The following MRE11 variants were observed in gnomAD, a reference collection of about 807,000 sequenced individuals.
MRE11 encodes the protein double-strand break repair protein MRE11.
MRE11 carries 62 observed loss-of-function variants against 91.7 expected under a neutral mutation model. The ratio of observed to expected loss-of-function variants is 0.68; its 90% CI spans 0.55 to 0.84. MRE11 has a LOEUF of 0.84. Ranked by LOEUF, MRE11 falls within the 40% of genes least tolerant of loss-of-function variation. The pLI is 0.00. For synonymous variants in MRE11, 273 were observed against 271.4 expected, an observed-to-expected ratio of 1.01 and a Z score of -0.06; for missense variants, 796 against 852.9, an observed-to-expected ratio of 0.93 and a Z score of 0.83.
Position 94,485,957 on chromosome 11 carries a change from A to C in MRE11, c.281T>G (p.Leu94Arg). The C allele has an allele frequency of 6.2e-7, 1 of 1,613,538 alleles. No homozygotes were observed. The highest frequency in any genetic ancestry group is 8.5e-7 in the Non-Finnish European group (1 of 1,179,948). The change falls in exon 4 of 20, where the codon CTC becomes CGC. Residue 94 changes from leucine (L) to arginine (R), a missense_variant. Physicochemically the swap from Leu to Arg is moderately radical, Grantham distance 102. Transcript: ENST00000323929. ...ACCAAAGTTGACTGACTGATCACTG[A>C]GAATTTCAAACTGGACAGGCCGATC... ...MGDRPVQFEILSDQSVNFGFS... is the reference protein window; with the variant it reads ...MGDRPVQFEIRSDQSVNFGFS...
At chr11:94,450,455 C>T (rs1946069930) in intron 14 of MRE11, among the ~76,000 whole-genome samples, 1 of 152,092 alleles carries the variant, frequency 6.6e-6, no homozygotes, top group African/African-American at 2.4e-5. Context: ...TAATAATATA[C>T]TTCAAGACCC....
chr11:94,446,913 T>C (rs1211984799), intron 15 of MRE11, among the ~76,000 whole-genome samples: 1 of 152,204 alleles, frequency 6.6e-6, no homozygotes, highest in African/African-American at 2.4e-5. Flanking sequence ...ACTTTGCACA[T>C]GTGAAAATAC....
rs104895004 is a variant in MRE11 at position 94,418,192 on chromosome 11, C to T, written c.*1933G>A. Reference sequence around the variant, plus strand: ...ATATATAGCACATTTAACTATGTAACAATATTCAATCAAAAAAAGGTTTCC... The same window carrying T: ...ATATATAGCACATTTAACTATGTAATAATATTCAATCAAAAAAAGGTTTCC... On this transcript the variant is annotated 3_prime_UTR_variant, in exon 20 of 20. Transcript: ENST00000323929. The T allele has an allele frequency of 2.1e-5, 5 of 232,806 alleles. No individual in the cohort carries two copies. Among genetic ancestry groups the T allele is most frequent in the Admixed American group, 5.6e-5 (1 of 17,754 alleles). 14.4% of individuals were successfully genotyped at this position (232,806 alleles called of 1,614,324 possible). A position where few individuals can be genotyped will look rare whatever the true frequency, so the allele number is the denominator to read the frequency against.
At chr11:94,486,367 T>C (rs1367517524) in intron 3 of MRE11, among the ~76,000 whole-genome samples, 2 of 152,220 alleles carry the variant, frequency 1.3e-5, no homozygotes, top group Non-Finnish European at 2.9e-5. Flanking sequence ...GAATCAAACA[T>C]AAACTTAGCA....
rs1591693112 is a variant in MRE11, at chr11:94,470,644, T to G, written c.846-2A>C. ...TTAATACGCAGCAAACCAACATGTC[T>G]GAAGTGGAGAGAAATGAACACCGAG... On this transcript the variant is annotated splice_acceptor_variant, in intron 8 of 19. Transcript: ENST00000323929. LOFTEE classifies it high-confidence loss of function. The G allele has an allele frequency of 6.2e-7, 1 of 1,612,790 alleles. No homozygotes were observed.
At chr11:94,457,887 T>TCTCTCA (rs372404360) in intron 13 of MRE11, among the ~76,000 whole-genome samples, 3,130 of 144,262 alleles carry the variant, frequency 0.022, 124 homozygotes, top group African/African-American at 0.076. Context: ...TCTCTCTCTC[T>TCTCTCA]CACACACACA....
intron 3 of MRE11, among the ~76,000 whole-genome samples, chr11:94,487,754 G>A (rs1002289885): frequency 1.3e-5 from 2 of 152,348 alleles, no homozygotes; most frequent in South Asian, 4.1e-4. Context: ...TTTGTAAAGA[G>A]AAGATAAAGC....
chr11:94,484,689 G>A lies in MRE11; in HGVS notation c.314+1235C>T, dbSNP rs146617333. 4.6e-5 allele frequency among the ~76,000 whole-genome samples: 7 copies of A among 152,236 alleles called. No individual in the cohort carries two copies. The East Asian group carries it at 7.7e-4, about 17-fold the overall frequency. ...TGTCACGCACCTCCTGATATGATGC[G>A]ACTGAAAGGGTACTTCACTTCTTGA... On this transcript the variant is annotated intron_variant, in intron 4 of 19. Transcript: ENST00000323929.
At chr11:94,477,793 A>G (rs1946904248) in intron 6 of MRE11, among the ~76,000 whole-genome samples, 1 of 124,376 alleles carries the variant, frequency 8.0e-6, no homozygotes, top group Admixed American at 8.8e-5. Context: ...CAGATGGCAG[A>G]AGCTTAAAGG....
At chr11:94,436,300 A>C (rs2134834035) in intron 17 of MRE11, among the ~76,000 whole-genome samples, 1 of 152,338 alleles carries the variant, frequency 6.6e-6, no homozygotes, top group East Asian at 1.9e-4. Flanking sequence ...TCTTTCTGTT[A>C]AATCTGTCCC....
chr11:94,457,887 T>TCTCTCTCACACACACACA (rs372404360), intron 13 of MRE11, among the ~76,000 whole-genome samples: 3 of 144,220 alleles, frequency 2.1e-5, no homozygotes, highest in African/African-American at 7.8e-5. Context: ...TCTCTCTCTC[T>TCTCTCTCACACACACACA]CACACACACA....
chr11:94,497,803 A>G (rs924653989), upstream of MRE11: 1 of 370,414 alleles, frequency 2.7e-6, no homozygotes, highest in Non-Finnish European at 4.9e-6. Flanking sequence ...AATAAACCTT[A>G]GTTGGACCAG....
chr11:94,448,721 T>C (rs1398547694), intron 14 of MRE11, among the ~76,000 whole-genome samples: 2 of 151,900 alleles, frequency 1.3e-5, no homozygotes, highest in Non-Finnish European at 2.9e-5. Context: ...CATTTTTAAT[T>C]TGGTAAGAAT....
rs1287191169 is a variant in MRE11, at chr11:94,429,797, T to C, written c.2070+114A>G. ...AACCTGCACATGTACTCCCTGAACA[T>C]AAAAGATGAAGTTATTTATCAAAGA... is the stretch of plus-strand genomic sequence containing the variant. On this transcript the variant is annotated intron_variant, in intron 19 of 19. Transcript: ENST00000323929. 1.0e-4 allele frequency: 92 copies of C among 902,246 alleles called. No individual in the cohort carries two copies. The South Asian group carries it at 1.4e-3, about 13-fold the overall frequency. The allele number at this position is 902,246 out of a possible 1,614,324, so 55.9% of individuals were successfully genotyped here.
intron 19 of MRE11, among the ~76,000 whole-genome samples, chr11:94,420,448 A>T (rs952182950): frequency 2.0e-5 from 3 of 152,234 alleles, no homozygotes; most frequent in Non-Finnish European, 2.9e-5. Flanking sequence ...AAGATAAATG[A>T]AGTATAGGTA....
At chr11:94,478,294 G>A (rs1333171507) in intron 6 of MRE11, among the ~76,000 whole-genome samples, 1 of 152,108 alleles carries the variant, frequency 6.6e-6, no homozygotes, top group East Asian at 1.9e-4. Context: ...TTCACTTCCT[G>A]CTCTTTCACT....
chr11:94,460,339 A>G (rs1442228528), intron 12 of MRE11, among the ~76,000 whole-genome samples: 1 of 152,198 alleles, frequency 6.6e-6, no homozygotes, highest in Non-Finnish European at 1.5e-5. Context: ...ATACAACCGG[A>G]GGATCTTAGA....
chr11:94,500,658 A>G, the MRE11 span, among the ~76,000 whole-genome samples: 383 of 152,292 alleles, frequency 2.5e-3, 2 homozygotes, highest in African/African-American at 8.7e-3. Context: ...ACTGTTCAAG[A>G]TTCATAGCGT....
At chr11:94,464,024 C>G in intron 11 of MRE11, 89 bp downstream of exon 11, 1 of 1,382,208 alleles carries the variant, frequency 7.2e-7, no homozygotes, top group Non-Finnish European at 1.0e-6. Flanking sequence ...ATTAAAACAT[C>G]TTCCATTATT....
Sources: allele counts gnomAD v4.1 joint callset (sites outside exome capture counted in the v4.1 genomes callset), GRCh38; gene constraint gnomAD v4.1.1; transcripts MANE v1.5; gene names NCBI Gene and HGNC (gene_info 2026-07-23, HGNC 2026-07-21).